EFR3A: variants seen among roughly 807,000 people sequenced by gnomAD.
The protein encoded by EFR3A is EFR3 homolog A.
In EFR3A, 76 loss-of-function variants were observed where a neutral mutation model predicts 104.4. The ratio of observed to expected loss-of-function variants is 0.73; its 90% confidence interval spans 0.60 to 0.88. The LOEUF is 0.88. Among genes scored for constraint, EFR3A ranks in the 40% least tolerant of loss-of-function variants. The probability of loss-of-function intolerance (pLI) is 0.00; values close to 1 mark genes in which losing one functional copy is unlikely to be tolerated. For synonymous variants in EFR3A, 330 were observed against 330.0 expected (o/e 1.00, Z 0.00); for missense variants, 985 against 1,012.5 (o/e 0.97, Z 0.37).
chr8:131,914,562 G>A (rs1816661767), intron 1 of EFR3A, among the ~76,000 whole-genome samples: 2 of 152,112 alleles, frequency 1.3e-5, no homozygotes, highest in South Asian at 2.1e-4. Context: ...AATAAGGACT[G>A]TTGTATGGGA....
rs1422970608 is a variant in EFR3A at position 131,981,018 on chromosome 8, A to ATT, written c.1575+1600_1575+1601dup. Among the ~76,000 whole-genome samples, 28 of 104,806 alleles carry ATT rather than the reference A, an allele frequency of 2.7e-4. 1 individual carries two copies. The highest frequency in any genetic ancestry group is 5.0e-4 in the Admixed American group (5 of 9,974). The allele number at this position is 104,806 out of a possible 152,430, so 68.8% of individuals were successfully genotyped here. A position where few individuals can be genotyped will look rare whatever the true frequency, so the allele number is the denominator to read the frequency against. ...CTAGTGTAAGGCTGAATAGTATTTC[A>ATT]TTTTATATATATATATATATATATA... is the stretch of plus-strand genomic sequence containing the variant. On this transcript the variant is annotated intron_variant, in intron 14 of 22. Coordinates refer to ENST00000254624, the MANE Select transcript of EFR3A (RefSeq NM_015137.6).
intron 1 of EFR3A, among the ~76,000 whole-genome samples, chr8:131,911,636 CGT>C (rs1266247678): frequency 2.0e-5 from 3 of 152,122 alleles, no homozygotes; most frequent in Non-Finnish European, 4.4e-5. Flanking sequence ...ATTTATGTAA[CGT>C]ATATATGCAC....
At chr8:131,954,331 A>C (rs932622102) in intron 6 of EFR3A, among the ~76,000 whole-genome samples, 13 of 152,148 alleles carry the variant, frequency 8.5e-5, no homozygotes, top group African/African-American at 2.9e-4. Context: ...GATCCAGCAT[A>C]CTTTTGCACA....
intron 10 of EFR3A, among the ~76,000 whole-genome samples, chr8:131,972,802 A>T (rs1325292467): frequency 6.6e-6 from 1 of 152,048 alleles, no homozygotes; most frequent in East Asian, 1.9e-4. Context: ...TTATCTGGGT[A>T]ATTTTTTCAC....
intron 14 of EFR3A, among the ~76,000 whole-genome samples, chr8:131,982,253 G>T (rs1456761876): frequency 6.6e-6 from 1 of 151,920 alleles, no homozygotes; most frequent in Non-Finnish European, 1.5e-5. Flanking sequence ...TTTGTAATTT[G>T]GGTGAAAGGA....
intron 2 of EFR3A, among the ~76,000 whole-genome samples, chr8:131,942,379 C>T (rs1346512209): frequency 6.6e-6 from 1 of 151,968 alleles, no homozygotes. Context: ...ACAGTAGGTA[C>T]CCAAATGCAG....
intron 22 of EFR3A, among the ~76,000 whole-genome samples, chr8:132,007,183 G>A (rs1822095019): frequency 6.6e-6 from 1 of 151,294 alleles, no homozygotes; most frequent in South Asian, 2.1e-4. Flanking sequence ...GAGAAAGGAA[G>A]AAATAAAACT....
intron 17 of EFR3A, among the ~76,000 whole-genome samples, chr8:131,986,541 C>T (rs1312629090): frequency 3.3e-5 from 5 of 152,062 alleles, no homozygotes; most frequent in South Asian, 4.2e-4. Context: ...CCTAACACTT[C>T]GGGACGCTGA....
At chr8:131,939,622 G>A (rs1200917727) in intron 1 of EFR3A, among the ~76,000 whole-genome samples, 2 of 152,060 alleles carry the variant, frequency 1.3e-5, no homozygotes, top group African/African-American at 4.8e-5. Flanking sequence ...TGGCTAGTCT[G>A]TGCCATGCTA....
intron 4 of EFR3A, among the ~76,000 whole-genome samples, chr8:131,948,134 CAT>C (rs759346440): frequency 5.7e-4 from 86 of 152,080 alleles, no homozygotes; most frequent in African/African-American, 1.1e-3. Context: ...TAAAAAAAAT[CAT>C]ATATTACCTG....
chr8:131,990,532 T>C (rs1347512095), intron 18 of EFR3A, among the ~76,000 whole-genome samples: 1 of 151,920 alleles, frequency 6.6e-6, no homozygotes, highest in East Asian at 1.9e-4. Context: ...CTTCAGGGAG[T>C]GGAGTTAGGA....
intron 2 of EFR3A, among the ~76,000 whole-genome samples, chr8:131,943,434 A>G (rs1317683284): frequency 6.6e-6 from 1 of 152,052 alleles, no homozygotes; most frequent in Non-Finnish European, 1.5e-5. Context: ...GAACTGATAC[A>G]GAGGGAGAGG....
intron 12 of EFR3A, among the ~76,000 whole-genome samples, chr8:131,977,902 A>T (rs1820406903): frequency 6.6e-6 from 1 of 152,158 alleles, no homozygotes; most frequent in African/African-American, 2.4e-5. Flanking sequence ...TCCTCTGATG[A>T]TATAAACACA....
Position 132,011,543 on chromosome 8 carries a change from T to C in EFR3A, c.*648T>C, listed in dbSNP as rs773454628. On this transcript the variant is annotated 3_prime_UTR_variant, in exon 23 of 23. Coordinates refer to ENST00000254624, the MANE Select transcript of EFR3A (RefSeq NM_015137.6). The stretch of plus-strand genomic sequence containing the variant: ...TTTAAATTGTCTGGTTCTTGTAATA[T>C]TGTGTTTCCTGCCAAGAGTTTGACC... 122 of 603,166 alleles carry C rather than the reference T, an allele frequency of 2.0e-4. No homozygotes were observed. Among genetic ancestry groups the C allele is most frequent in the Non-Finnish European group, 2.4e-4 (113 of 480,564 alleles). 37.4% of individuals were successfully genotyped at this position (603,166 alleles called of 1,614,324 possible). A position where few individuals can be genotyped will look rare whatever the true frequency, so the allele number is the denominator to read the frequency against.
At chr8:131,981,164 T>G (rs1032250828) in intron 14 of EFR3A, among the ~76,000 whole-genome samples, 10 of 151,960 alleles carry the variant, frequency 6.6e-5, no homozygotes, top group Admixed American at 6.6e-4. Flanking sequence ...TTATAACTAA[T>G]TTTTGAGTTT....
intron 9 of EFR3A, among the ~76,000 whole-genome samples, chr8:131,969,987 A>G (rs1314970765): frequency 1.3e-5 from 2 of 152,254 alleles, no homozygotes; most frequent in Non-Finnish European, 2.9e-5. Flanking sequence ...GAACAAATGC[A>G]GTTAACCTGA....
chr8:131,984,760 TGTA>T (rs1820793268), intron 15 of EFR3A, among the ~76,000 whole-genome samples, 166 bp from the exon 16 acceptor site: 1 of 152,186 alleles, frequency 6.6e-6, no homozygotes, highest in Non-Finnish European at 1.5e-5. Flanking sequence ...TTAACTCTCT[TGTA>T]AAAGAACATT....
chr8:131,953,524 C>G (rs915633429), intron 5 of EFR3A, among the ~76,000 whole-genome samples: 2 of 151,968 alleles, frequency 1.3e-5, no homozygotes, highest in Non-Finnish European at 2.9e-5. Flanking sequence ...TTAAGAAAAC[C>G]TATGCTGTTG....
In EFR3A at chr8:131,946,592, G is replaced by C. The variant is rs1373614605; in HGVS notation, c.325G>C (p.Glu109Gln). Reference sequence around the variant, plus strand: ...TCTTCATATGGTGGCAAAGCTGCTGGAATCGGGGGAACCAAAGCTTCAAGT... The same window carrying C: ...TCTTCATATGGTGGCAAAGCTGCTGCAATCGGGGGAACCAAAGCTTCAAGT... Reference protein sequence around the residue: ...SFLHMVAKLLESGEPKLQVLG... With the variant: ...SFLHMVAKLLQSGEPKLQVLG... Residue 109 changes from glutamate to glutamine, a missense_variant, in exon 4 of 23, where the codon GAA becomes CAA. Coordinates refer to ENST00000254624, the MANE Select transcript of EFR3A (RefSeq NM_015137.6). 1.2e-6 allele frequency: 2 copies of C among 1,605,108 alleles called. No individual in the cohort carries two copies. The highest frequency in any genetic ancestry group is 2.3e-5 in the East Asian group (1 of 44,402).
Sources: gnomAD v4.1 joint callset for allele counts (sites outside exome capture counted in the v4.1 genomes callset) on GRCh38, gnomAD v4.1.1 for gene constraint, MANE v1.5 for transcripts, NCBI Gene and HGNC (gene_info 2026-07-23, HGNC 2026-07-21) for gene names.